Variants in SLC25A26 observed in about 807,000 individuals in gnomAD.
SLC25A26 encodes mitochondrial S-adenosylmethionine carrier protein.
Under a neutral mutation model 37.8 loss-of-function variants are expected in SLC25A26, and 36 were observed. The ratio of observed to expected loss-of-function variants is 0.95; its 90% CI spans 0.73 to 1.26. The LOEUF (loss-of-function observed/expected upper bound fraction) is 1.26. Ranked by LOEUF, SLC25A26 falls within the 50% of genes most tolerant of loss-of-function variation. The probability of loss-of-function intolerance (pLI) is 0.00; values close to 1 mark genes in which losing one functional copy is unlikely to be tolerated. For synonymous variants in SLC25A26, 129 were observed against 122.5 expected (o/e 1.05, Z -0.35); for missense variants, 390 against 331.1 (o/e 1.18, Z -1.38).
At chr3:66,303,352 T>G (rs919615274) in intron 5 of SLC25A26, among the ~76,000 whole-genome samples, 2 of 152,144 alleles carry the variant, frequency 1.3e-5, no homozygotes, top group Non-Finnish European at 1.5e-5. Context: ...CAGCTAACTG[T>G]GTTGGAGGAA....
At chr3:66,221,905 C>T (rs2071513971) in intron 1 of SLC25A26, among the ~76,000 whole-genome samples, 1 of 151,612 alleles carries the variant, frequency 6.6e-6, no homozygotes, top group African/African-American at 2.4e-5. Context: ...AATGGAGGCC[C>T]ACAGTGATTT....
rs367877669 is a variant in SLC25A26, at chr3:66,355,440, G to T, written c.499-7420G>T. 3.4e-4 allele frequency among the ~76,000 whole-genome samples: 51 copies of T among 152,194 alleles called. No homozygotes were observed. In the South Asian group the frequency reaches 0.01, roughly 30 times the overall value. On this transcript the variant is annotated intron_variant, in intron 6 of 9. Coordinates refer to ENST00000354883, the MANE Select transcript of SLC25A26 (RefSeq NM_001379210.1). ...CCAAGTCAGCCTGTATACCATAAGGGATTCCTAATTATCAGTTAGGTATAT... is the reference window on the plus strand; with the variant it reads ...CCAAGTCAGCCTGTATACCATAAGGTATTCCTAATTATCAGTTAGGTATAT...
intron 5 of SLC25A26, among the ~76,000 whole-genome samples, chr3:66,290,417 C>G (rs576587677): frequency 1.3e-5 from 2 of 152,118 alleles, no homozygotes; most frequent in Non-Finnish European, 2.9e-5. Context: ...ATGCTTCCAG[C>G]TTTTGGTCAT....
intron 5 of SLC25A26, among the ~76,000 whole-genome samples, chr3:66,327,606 A>T (rs1315749485): frequency 6.6e-6 from 1 of 151,826 alleles, no homozygotes; most frequent in Admixed American, 6.5e-5. Context: ...CACTGAAAGG[A>T]TTAATCCAAA....
At chr3:66,272,948 T>C (rs1330630077) in intron 5 of SLC25A26, among the ~76,000 whole-genome samples, 3 of 152,136 alleles carry the variant, frequency 2.0e-5, no homozygotes, top group African/African-American at 7.2e-5. Flanking sequence ...ATAGCTCTTA[T>C]TATTTTGAGA....
At chr3:66,235,486 A>G (rs532105528) in intron 1 of SLC25A26, among the ~76,000 whole-genome samples, 1 of 152,306 alleles carries the variant, frequency 6.6e-6, no homozygotes, top group East Asian at 1.9e-4. Context: ...TATTCACTTG[A>G]TTTAAAAATT....
At chr3:66,209,169 A>G (rs1232720958) in intron 1 of SLC25A26, among the ~76,000 whole-genome samples, 1 of 12,026 alleles carries the variant, frequency 8.3e-5, no homozygotes, top group Non-Finnish European at 1.8e-3. Context: ...TTTTATAGGT[A>G]TATAAAGATA....
intron 1 of SLC25A26, among the ~76,000 whole-genome samples, chr3:66,153,828 C>T (rs960729873): frequency 6.6e-6 from 1 of 152,260 alleles, no homozygotes; most frequent in East Asian, 1.9e-4. Context: ...TGTCTTCTTC[C>T]GAGGAAAGAT....
chr3:66,139,044 C>T (rs1466380898), intron 1 of SLC25A26, among the ~76,000 whole-genome samples: 1 of 151,950 alleles, frequency 6.6e-6, no homozygotes, highest in Non-Finnish European at 1.5e-5. Flanking sequence ...TCCTCCTCCC[C>T]TCCCCATCCT....
At chr3:66,299,379 TG>T (rs1186305994) in intron 5 of SLC25A26, among the ~76,000 whole-genome samples, 2 of 152,058 alleles carry the variant, frequency 1.3e-5, no homozygotes, top group Non-Finnish European at 2.9e-5. Flanking sequence ...TAGTAGAGAC[TG>T]GGTTTTGCTG....
chr3:66,263,882 T>C (rs1427719422), intron 5 of SLC25A26, among the ~76,000 whole-genome samples: 7 of 152,038 alleles, frequency 4.6e-5, no homozygotes, highest in African/African-American at 1.7e-4. Context: ...ATGGTCTCAA[T>C]CTCCTGACCT....
chr3:66,227,289 G>A (rs530117137), intron 1 of SLC25A26, among the ~76,000 whole-genome samples: 2 of 152,134 alleles, frequency 1.3e-5, no homozygotes, highest in Non-Finnish European at 2.9e-5. Flanking sequence ...CCAGCTGTTT[G>A]TTCTCTAATA....
chr3:66,141,821 A>G (rs2070040843), intron 1 of SLC25A26, among the ~76,000 whole-genome samples: 1 of 152,184 alleles, frequency 6.6e-6, no homozygotes, highest in Admixed American at 6.6e-5. Context: ...TCTTGAATGT[A>G]TTCTTTTCTT....
rs2074370509 is a variant in SLC25A26 at position 66,282,236 on chromosome 3, C to T, written c.453+18857C>T. ...CCTTGTTAGCCAGGATGGTCTCGATCTCCTGACCTCATGATCCACCCGCCT... is the reference window on the plus strand; with the variant it reads ...CCTTGTTAGCCAGGATGGTCTCGATTTCCTGACCTCATGATCCACCCGCCT... On this transcript the variant is annotated intron_variant, in intron 5 of 9. Transcript: ENST00000354883. 2.0e-5 allele frequency among the ~76,000 whole-genome samples: 3 copies of T among 151,982 alleles called. No individual in the cohort carries two copies. In the South Asian group the frequency reaches 6.2e-4, roughly 32 times the overall value.
At chr3:66,305,294 A>G (rs2107576619) in intron 5 of SLC25A26, among the ~76,000 whole-genome samples, 1 of 152,200 alleles carries the variant, frequency 6.6e-6, no homozygotes, top group Middle Eastern at 3.4e-3. Flanking sequence ...TTTTATCTCA[A>G]ATGGGTCTGC....
intron 1 of SLC25A26, among the ~76,000 whole-genome samples, chr3:66,171,845 C>T (rs2070503873): frequency 6.6e-6 from 1 of 152,140 alleles, no homozygotes; most frequent in Non-Finnish European, 1.5e-5. Context: ...TTACTATGTG[C>T]CAGGAACTGG....
chr3:66,341,427 T>C (rs771964434), intron 5 of SLC25A26, among the ~76,000 whole-genome samples: 1 of 152,158 alleles, frequency 6.6e-6, no homozygotes, highest in Non-Finnish European at 1.5e-5. Flanking sequence ...CACTCTAACA[T>C]GTAAAGTGAT....
intron 5 of SLC25A26, among the ~76,000 whole-genome samples, chr3:66,277,511 G>C (rs1019944497): frequency 5.3e-5 from 8 of 151,842 alleles, no homozygotes; most frequent in Non-Finnish European, 1.2e-4. Context: ...GGGTATTTAA[G>C]GTACAGCATG....
intron 5 of SLC25A26, among the ~76,000 whole-genome samples, chr3:66,287,317 C>G (rs1204092336): frequency 6.6e-6 from 1 of 151,462 alleles, no homozygotes; most frequent in East Asian, 1.9e-4. Flanking sequence ...AAAAAAATCT[C>G]AAACTGTTTT....
Sources: gnomAD v4.1 joint callset for allele counts (sites outside exome capture counted in the v4.1 genomes callset) on GRCh38, gnomAD v4.1.1 for gene constraint, MANE v1.5 for transcripts, NCBI Gene and HGNC (gene_info 2026-07-23, HGNC 2026-07-21) for gene names.